CFAP70: variants seen among roughly 807,000 people sequenced by gnomAD.
The protein encoded by CFAP70 is cilia- and flagella-associated protein 70.
In CFAP70, 81 loss-of-function variants were observed where a neutral mutation model predicts 137.6. The ratio of observed to expected loss-of-function variants is 0.59; its 90% CI spans 0.49 to 0.71. CFAP70 has a LOEUF of 0.71. CFAP70 is among the 30% of genes least tolerant of loss of function. The pLI, the probability that CFAP70 is intolerant of heterozygous loss-of-function variation, is 0.00. For missense variants in CFAP70, 976 were observed against 1,226.7 expected (o/e 0.80, Z 3.05); for synonymous variants, 382 against 423.6 (o/e 0.90, Z 1.20).
chr10:73,326,245 G>A (rs867703628), intron 8 of CFAP70, among the ~76,000 whole-genome samples: 13,751 of 148,136 alleles, frequency 0.093, 964 homozygotes, highest in East Asian at 0.28. Flanking sequence ...TATTGGGTAC[G>A]TAACAAAATG....
intron 14 of CFAP70, among the ~76,000 whole-genome samples, chr10:73,297,683 G>C (rs779938896): frequency 6.6e-6 from 1 of 152,200 alleles, no homozygotes; most frequent in African/African-American, 2.4e-5. Flanking sequence ...AGAGAGACAA[G>C]TATAGAAGCT....
intron 3 of CFAP70, among the ~76,000 whole-genome samples, chr10:73,351,467 T>C (rs190006980): frequency 6.6e-6 from 1 of 152,110 alleles, no homozygotes; most frequent in African/African-American, 2.4e-5. Flanking sequence ...AAAGTCTCAC[T>C]GTGTCACTCA....
chr10:73,267,442 A>G (rs999447650), intron 25 of CFAP70, among the ~76,000 whole-genome samples: 1 of 152,144 alleles, frequency 6.6e-6, no homozygotes, highest in African/African-American at 2.4e-5. Flanking sequence ...AATTCACACA[A>G]TGTCACTTGC....
intron 10 of CFAP70, 56 bp downstream of exon 11, chr10:73,312,417 T>C (rs2049993012): frequency 7.7e-7 from 1 of 1,301,900 alleles, no homozygotes; most frequent in Admixed American, 2.5e-5. Flanking sequence ...GAGAAATCAG[T>C]GAAGCCTCTG....
chr10:73,323,074 C>T lies in CFAP70; in HGVS notation c.801G>A (p.Ser267=), dbSNP rs145436804. 193 of 1,611,722 alleles carry T rather than the reference C, an allele frequency of 1.2e-4. 1 individual carries two copies. Among genetic ancestry groups the T allele is most frequent in the East Asian group, 2.2e-4 (10 of 44,842 alleles). ...TATTAACATAAGCCACACCATGAAA[C>T]GAAAGCTGAGCTTCTTCATCAGTCT... The change falls in exon 9 of 27, where the codon TCG becomes TCA. Residue 267 remains serine (S), a synonymous_variant. Transcript: ENST00000310715.
chr10:73,310,012 TAAC>T (rs779966318), intron 12 of CFAP70, 143 bp downstream of exon 13: 19 of 519,594 alleles, frequency 3.7e-5, no homozygotes, highest in Non-Finnish European at 5.4e-5. Flanking sequence ...GTAACAAAAA[TAAC>T]AACAACAACA....
intron 26 of CFAP70, among the ~76,000 whole-genome samples, chr10:73,255,226 A>G (rs13376796): frequency 0.023 from 3,434 of 152,178 alleles, 116 homozygotes; most frequent in African/African-American, 0.072. Flanking sequence ...GTGATACCCT[A>G]TCTACTAAAA....
chr10:73,338,143 A>ATTT (rs550084202), intron 6 of CFAP70, among the ~76,000 whole-genome samples: 12,594 of 129,542 alleles, frequency 0.097, 907 homozygotes, highest in East Asian at 0.28. Flanking sequence ...ATATATGCGG[A>ATTT]TTTTTTTTTT....
chr10:73,306,005 A>C (rs1330259402), intron 12 of CFAP70, among the ~76,000 whole-genome samples: 1 of 152,138 alleles, frequency 6.6e-6, no homozygotes, highest in African/African-American at 2.4e-5. Flanking sequence ...ATTTTTTAAA[A>C]AAACAAGAAG....
At chr10:73,317,686 C>T (rs1324296112) in intron 9 of CFAP70, among the ~76,000 whole-genome samples, 2 of 152,078 alleles carry the variant, frequency 1.3e-5, no homozygotes, top group African/African-American at 2.4e-5. Context: ...TGTTGGTTGC[C>T]TTCCACCAAG....
At chr10:73,308,168 G>GAAA (rs2049559864) in intron 12 of CFAP70, among the ~76,000 whole-genome samples, 1 of 151,488 alleles carries the variant, frequency 6.6e-6, no homozygotes, top group Non-Finnish European at 1.5e-5. Context: ...AAGAAAGAAA[G>GAAA]AAAGAAAGGA....
chr10:73,339,416 C>G (rs1170065583), intron 6 of CFAP70, among the ~76,000 whole-genome samples: 1 of 152,242 alleles, frequency 6.6e-6, no homozygotes, highest in Non-Finnish European at 1.5e-5. Flanking sequence ...AAGGTGACGA[C>G]TGTCACAGAA....
upstream of CFAP70, among the ~76,000 whole-genome samples, chr10:73,361,293 CT>C (rs577780984): frequency 0.011 from 1,377 of 128,354 alleles, 1 homozygote; most frequent in African/African-American, 0.02. Flanking sequence ...CATGCCCGGC[CT>C]TTTTTTTTTT....
chr10:73,289,487 TGTTAG>T (rs1466630892), intron 19 of CFAP70, among the ~76,000 whole-genome samples: 1 of 151,806 alleles, frequency 6.6e-6, no homozygotes, highest in East Asian at 2.0e-4. Flanking sequence ...GGTTTCACCA[TGTTAG>T]CCAGGATGGT....
chr10:73,340,829 G>A (rs1297552390), intron 6 of CFAP70, among the ~76,000 whole-genome samples: 1 of 152,250 alleles, frequency 6.6e-6, no homozygotes, highest in Non-Finnish European at 1.5e-5. Flanking sequence ...CAGGCAGCAG[G>A]AGCAGGCACT....
At chr10:73,304,284 C>A (rs2132029193) in intron 12 of CFAP70, among the ~76,000 whole-genome samples, 1 of 152,222 alleles carries the variant, frequency 6.6e-6, no homozygotes, top group Middle Eastern at 3.4e-3. Context: ...GAACTCCTGA[C>A]CTCAGGTGAT....
At chr10:73,260,098 A>C (rs2044999581) in intron 25 of CFAP70, among the ~76,000 whole-genome samples, 1 of 151,894 alleles carries the variant, frequency 6.6e-6, no homozygotes, top group African/African-American at 2.4e-5. Context: ...CATGCCTATA[A>C]TTGCAGCTCT....
chr10:73,322,891 T>C (rs1486013321), intron 9 of CFAP70, 72 bp downstream of exon 10: 5 of 1,354,836 alleles, frequency 3.7e-6, no homozygotes, highest in Non-Finnish European at 5.0e-6. Flanking sequence ...AAGATGTATA[T>C]GCTAAAGATG....
rs1286076880 is a variant in CFAP70 at position 73,350,726 on chromosome 10, T to G, written c.251-2205A>C. Among the ~76,000 whole-genome samples, 3 of 152,080 alleles carry G rather than the reference T, an allele frequency of 2.0e-5. No individual in the cohort carries two copies. In the East Asian group the frequency reaches 5.8e-4, roughly 29 times the overall value. ...TATGGTACTTACATGATTTAATTTT[T>G]TACACACATTTTATCCAGGTGGTAT... On this transcript the variant is annotated intron_variant, in intron 3 of 26. Transcript: ENST00000310715.
Sources: allele counts gnomAD v4.1 joint callset (sites outside exome capture counted in the v4.1 genomes callset), GRCh38; gene constraint gnomAD v4.1.1; transcripts MANE v1.5; gene names NCBI Gene and HGNC (gene_info 2026-07-23, HGNC 2026-07-21).